ABCA6: variants seen among roughly 807,000 people sequenced by gnomAD.
ABCA6 encodes the protein ATP binding cassette subfamily A member 6, also known as ATP-binding cassette sub-family A member 6.
In ABCA6, 164 loss-of-function variants were observed where a neutral mutation model predicts 191.2. The ratio of observed to expected loss-of-function variants is 0.86; its 90% CI spans 0.76 to 0.98. The LOEUF is 0.98. ABCA6 is among the 50% of genes least tolerant of loss of function. The pLI, the probability that ABCA6 is intolerant of heterozygous loss-of-function variation, is 0.00. For synonymous variants in ABCA6, 636 were observed against 647.7 expected (o/e 0.98, Z 0.27); for missense variants, 1,958 against 1,894.1 (o/e 1.03, Z -0.63).
At chr17:69,119,261 T>C (rs2073594608) in intron 10 of ABCA6, among the ~76,000 whole-genome samples, 1 of 152,052 alleles carries the variant, frequency 6.6e-6, no homozygotes, top group South Asian at 2.1e-4. Context: ...CCTAAACCCA[T>C]TTCCCCATCA....
rs371676718 is a variant in ABCA6, at chr17:69,123,265, A to G, written c.1410T>C (p.Pro470=). The change falls in exon 10 of 39, where the codon CCT becomes CCC. Residue 470 remains proline, a synonymous_variant. Coordinates refer to ENST00000284425, the MANE Select transcript of ABCA6 (RefSeq NM_080284.3). ...TGATGGCTTCTTTTCCTTGGAATTCAGGAGCTACTGGTTCAAAATAATCAT... is the reference window on the plus strand; with the variant it reads ...TGATGGCTTCTTTTCCTTGGAATTCGGGAGCTACTGGTTCAAAATAATCAT... ...PSDDYFEPVA[P]EFQGKEAIRI... is the part of the protein sequence containing the mutation. 1.1e-5 allele frequency: 17 copies of G among 1,508,008 alleles called. No individual in the cohort carries two copies. In the African/African-American group the frequency reaches 1.9e-4, roughly 17 times the overall value. 93.4% of individuals were successfully genotyped at this position (1,508,008 alleles called of 1,614,324 possible).
chr17:69,122,536 A>G (rs1384208725), intron 10 of ABCA6, among the ~76,000 whole-genome samples: 1 of 152,108 alleles, frequency 6.6e-6, no homozygotes, highest in East Asian at 1.9e-4. Context: ...ACTGAGACTC[A>G]TAAAATTTAC....
At chr17:69,124,519 G>A (rs933206014) in intron 9 of ABCA6, among the ~76,000 whole-genome samples, 13 of 151,708 alleles carry the variant, frequency 8.6e-5, no homozygotes, top group Admixed American at 2.6e-4. Flanking sequence ...ATGGCCTCCC[G>A]AGAGCCAAAC....
chr17:69,105,426 C>T (rs757754154), intron 20 of ABCA6, 36 bp downstream of exon 20: 6 of 1,515,168 alleles, frequency 4.0e-6, no homozygotes, highest in Non-Finnish European at 4.5e-6. Context: ...ATAAAAATAA[C>T]TTATTTCTGG....
intron 27 of ABCA6, among the ~76,000 whole-genome samples, 182 bp from the exon 28 acceptor site, chr17:69,088,440 C>T (rs530450537): frequency 2.6e-5 from 4 of 152,106 alleles, no homozygotes; most frequent in Non-Finnish European, 4.4e-5. Flanking sequence ...CCTTTCTTCT[C>T]GCCACCCATA....
Position 69,088,229 on chromosome 17 carries a change from A to G in ABCA6, c.3636T>C (p.Phe1212=). The change falls in exon 28 of 39, where the codon TTT becomes TTC. Residue 1212 remains phenylalanine, a synonymous_variant. Transcript: ENST00000284425. ...IPYFQTLLFV[F]VLRCMELKCG... Reference sequence around the variant, plus strand: ...ATTTTAGTTCCATGCATCTTAGAACAAAAACGAATAGCAAAGTCTGAAAGT... The same window carrying G: ...ATTTTAGTTCCATGCATCTTAGAACGAAAACGAATAGCAAAGTCTGAAAGT... 2 of 1,612,038 alleles carry G rather than the reference A, an allele frequency of 1.2e-6. No individual in the cohort carries two copies. Among genetic ancestry groups the G allele is most frequent in the African/African-American group, 1.3e-5 (1 of 74,984 alleles).
chr17:69,113,429 A>G lies in ABCA6; in HGVS notation c.1903-69T>C, dbSNP rs2073471334. ...TAACTGTATCCAGAAGATAGCATGA[A>G]AAACAATAAATACCATAAAATAATA... On this transcript the variant is annotated intron_variant, in intron 14 of 38. Coordinates refer to ENST00000284425, the MANE Select transcript of ABCA6 (RefSeq NM_080284.3). 14 of 1,532,242 alleles carry G rather than the reference A, an allele frequency of 9.1e-6. No individual in the cohort carries two copies. The South Asian group carries it at 1.5e-4, about 16-fold the overall frequency. 94.9% of individuals were successfully genotyped at this position (1,532,242 alleles called of 1,614,324 possible).
chr17:69,085,594 G>A lies in ABCA6; in HGVS notation c.4029+31C>T, dbSNP rs372828923. 2.7e-6 allele frequency: 4 copies of A among 1,480,096 alleles called. No homozygotes were observed. In the African/African-American group the frequency reaches 5.6e-5, roughly 21 times the overall value. The allele number at this position is 1,480,096 out of a possible 1,614,324, so 91.7% of individuals were successfully genotyped here. ...AATCTATACGTATCATGAAATTCCT[G>A]TTTTGGAAATGGAAACCATTTCCTC... On this transcript the variant is annotated intron_variant, in intron 31 of 38. Transcript: ENST00000284425.
Position 69,095,839 on chromosome 17 carries a change from C to T in ABCA6, c.3408+401G>A, listed in dbSNP as rs192560090. Among the ~76,000 whole-genome samples, 4 of 152,330 alleles carry T rather than the reference C, an allele frequency of 2.6e-5. No individual in the cohort carries two copies. The East Asian group carries it at 7.7e-4, about 29-fold the overall frequency. The stretch of plus-strand genomic sequence containing the variant: ...ACTTTTATACTAACAAGTAACCTGG[C>T]ATAAGTATAAAACATCTTTAGTATC... On this transcript the variant is annotated intron_variant, in intron 25 of 38. Coordinates refer to ENST00000284425, the MANE Select transcript of ABCA6 (RefSeq NM_080284.3).
At position 69,088,260 on chromosome 17, in the gene ABCA6, T is replaced by C. The variant is rs2072849785; in HGVS notation, c.3607-2A>G. On this transcript the variant is annotated splice_acceptor_variant, in intron 27 of 38. Coordinates refer to ENST00000284425, the MANE Select transcript of ABCA6 (RefSeq NM_080284.3). LOFTEE classifies it high-confidence loss of function. ...GAATAGCAAAGTCTGAAAGTAGGGCTATGAGCAAAGAAATACAGTTATATT... is the reference window on the plus strand; with the variant it reads ...GAATAGCAAAGTCTGAAAGTAGGGCCATGAGCAAAGAAATACAGTTATATT... 1 of 1,600,304 alleles carries C rather than the reference T, an allele frequency of 6.2e-7. No homozygotes were observed. The highest frequency in any genetic ancestry group is 8.5e-7 in the Non-Finnish European group (1 of 1,171,454).
Position 69,140,726 on chromosome 17 carries a change from A to G in ABCA6, c.-23T>C. On this transcript the variant is annotated 5_prime_UTR_variant, in exon 2 of 39. Transcript: ENST00000284425. Reference sequence around the variant, plus strand: ...CATTTAGCCTATTCGCTGAAGGAGAAAGTAATCATGGTGGAACACAACCTA... The same window carrying G: ...CATTTAGCCTATTCGCTGAAGGAGAGAGTAATCATGGTGGAACACAACCTA... 1 of 1,492,886 alleles carries G rather than the reference A, an allele frequency of 6.7e-7. No individual in the cohort carries two copies. Among genetic ancestry groups the G allele is most frequent in the Non-Finnish European group, 9.0e-7 (1 of 1,106,654 alleles). 92.5% of individuals were successfully genotyped at this position (1,492,886 alleles called of 1,614,324 possible). A position where few individuals can be genotyped will look rare whatever the true frequency, so the allele number is the denominator to read the frequency against.
chr17:69,087,468 G>C lies in ABCA6; in HGVS notation c.3704C>G (p.Ser1235Cys). The change falls in exon 29 of 39, where the codon TCC (serine) becomes TGC (cysteine). Residue 1235 changes from serine (S) to cysteine (C), a missense_variant. By Grantham distance (112) the Ser-to-Cys change is moderately radical. Transcript: ENST00000284425. ...TGGCTTAGCATCTCTACTTTGGGGG[G>C]AAATTCTATGGAGAAAATGAAATGT... is the stretch of plus-strand genomic sequence containing the variant. ...RMRKDPVFRISPQSRDAKPNP... is the reference protein window; with the variant it reads ...RMRKDPVFRICPQSRDAKPNP... 1 of 1,613,520 alleles carries C rather than the reference G, an allele frequency of 6.2e-7. No individual in the cohort carries two copies. The highest frequency in any genetic ancestry group is 8.5e-7 in the Non-Finnish European group (1 of 1,179,776).
intron 1 of ABCA6, among the ~76,000 whole-genome samples, chr17:69,141,178 T>C (rs904784861): frequency 6.6e-6 from 1 of 152,064 alleles, no homozygotes; most frequent in African/African-American, 2.4e-5. Flanking sequence ...AATAATAAAT[T>C]ACATCCACTA....
At chr17:69,128,525 A>T (rs757901405) in intron 8 of ABCA6, 94 bp downstream of exon 8, 3 of 888,812 alleles carry the variant, frequency 3.4e-6, no homozygotes, top group Non-Finnish European at 4.7e-6. Context: ...GTTTAGAATA[A>T]AAGCTCTTAG....
intron 2 of ABCA6, among the ~76,000 whole-genome samples, chr17:69,139,348 G>C (rs1188154712): frequency 2.6e-5 from 4 of 152,166 alleles, no homozygotes; most frequent in Non-Finnish European, 5.9e-5. Flanking sequence ...ATGAAAAAAT[G>C]CTCATCATCA....
chr17:69,106,585 T>C (rs1195157028), intron 18 of ABCA6, among the ~76,000 whole-genome samples: 4 of 92,736 alleles, frequency 4.3e-5, no homozygotes, highest in Admixed American at 1.6e-4. Context: ...AGAGCAAGAC[T>C]CCATCTCGAA....
At position 69,106,009 on chromosome 17, in the gene ABCA6, A is replaced by G. The variant is rs2073293468; in HGVS notation, c.2573+19T>C. On this transcript the variant is annotated intron_variant, in intron 19 of 38. Coordinates refer to ENST00000284425, the MANE Select transcript of ABCA6 (RefSeq NM_080284.3). The stretch of plus-strand genomic sequence containing the variant: ...TTGAAATTCATGATCTAACAAAACC[A>G]CAGTACTCTCCTACTCACAGGGTCA... The G allele has an allele frequency of 6.4e-7, 1 of 1,573,816 alleles. No individual in the cohort carries two copies. The highest frequency in any genetic ancestry group is 1.2e-5 in the South Asian group (1 of 84,160).
chr17:69,138,258 C>G (rs1183068942), intron 2 of ABCA6, among the ~76,000 whole-genome samples: 2 of 151,998 alleles, frequency 1.3e-5, no homozygotes, highest in Non-Finnish European at 2.9e-5. Flanking sequence ...CTTCACCCAC[C>G]CAACCTACTT....
At chr17:69,119,148 G>A (rs1194825594) in intron 10 of ABCA6, among the ~76,000 whole-genome samples, 3 of 152,174 alleles carry the variant, frequency 2.0e-5, no homozygotes, top group African/African-American at 7.2e-5. Context: ...GCTGAGGATT[G>A]GGATATTTTA....
Sources: allele counts gnomAD v4.1 joint callset (sites outside exome capture counted in the v4.1 genomes callset), GRCh38; gene constraint gnomAD v4.1.1; transcripts MANE v1.5; gene names NCBI Gene and HGNC (gene_info 2026-07-23, HGNC 2026-07-21).